CAMKMT: variants seen among roughly 807,000 people sequenced by gnomAD.
CAMKMT encodes CaM KMT.
A neutral mutation model predicts 48.0 loss-of-function variants in CAMKMT; 53 were observed. The observed-to-expected ratio is 1.10, with a 90% CI of 0.89 to 1.39. The LOEUF is 1.39. CAMKMT is among the 40% of genes most tolerant of loss of function. The probability of loss-of-function intolerance (pLI) is 0.00; values close to 1 mark genes in which losing one functional copy is unlikely to be tolerated. For missense variants in CAMKMT, 428 were observed against 402.7 expected (o/e 1.06, Z -0.54); for synonymous variants, 165 against 152.3 (o/e 1.08, Z -0.61).
chr2:44,414,735 G>T (rs898493738), intron 3 of CAMKMT, among the ~76,000 whole-genome samples: 1 of 152,194 alleles, frequency 6.6e-6, no homozygotes, highest in Non-Finnish European at 1.5e-5. Flanking sequence ...TTGGAGGCTG[G>T]CCACCAAACT....
chr2:44,416,756 G>A (rs1683583605), intron 3 of CAMKMT, among the ~76,000 whole-genome samples: 1 of 151,232 alleles, frequency 6.6e-6, no homozygotes, highest in Non-Finnish European at 1.5e-5. Context: ...TGTATTTTTA[G>A]TAGGGACAGG....
intron 3 of CAMKMT, among the ~76,000 whole-genome samples, chr2:44,576,669 T>C (rs1219798534): frequency 6.6e-6 from 1 of 152,158 alleles, no homozygotes; most frequent in Non-Finnish European, 1.5e-5. Context: ...GAGGACAGTG[T>C]GGTTGGTGAG....
intron 3 of CAMKMT, among the ~76,000 whole-genome samples, chr2:44,527,049 A>G (rs996632423): frequency 3.5e-5 from 5 of 142,330 alleles, no homozygotes; most frequent in African/African-American, 1.4e-4. Context: ...GTCACTGCCC[A>G]TTTCCTCCAG....
At chr2:44,523,675 C>T (rs1216233897) in intron 3 of CAMKMT, among the ~76,000 whole-genome samples, 1 of 151,684 alleles carries the variant, frequency 6.6e-6, no homozygotes, top group Non-Finnish European at 1.5e-5. Flanking sequence ...TTAACTGGGA[C>T]CATAGACTAT....
At chr2:44,562,948 A>G (rs540825270) in intron 3 of CAMKMT, among the ~76,000 whole-genome samples, 40 of 152,336 alleles carry the variant, frequency 2.6e-4, no homozygotes, top group African/African-American at 9.1e-4. Context: ...ATTTGTGGTA[A>G]GATATGGAGA....
At chr2:44,663,523 T>G (rs985727513) in intron 3 of CAMKMT, among the ~76,000 whole-genome samples, 1 of 152,230 alleles carries the variant, frequency 6.6e-6, no homozygotes, top group East Asian at 1.9e-4. Flanking sequence ...GTAATAACTT[T>G]TAAAAGGTTC....
intron 3 of CAMKMT, among the ~76,000 whole-genome samples, chr2:44,670,365 C>T (rs751448061): frequency 2.0e-4 from 30 of 152,006 alleles, no homozygotes; most frequent in Non-Finnish European, 4.0e-4. Flanking sequence ...GATCACTTGA[C>T]ACCAGGAGTT....
At chr2:44,400,165 T>C (rs1006362793) in intron 3 of CAMKMT, among the ~76,000 whole-genome samples, 1 of 152,192 alleles carries the variant, frequency 6.6e-6, no homozygotes, top group African/African-American at 2.4e-5. Flanking sequence ...TTCTATATAA[T>C]GGAGAGGTAA....
chr2:44,508,725 G>C (rs550317929), intron 3 of CAMKMT, among the ~76,000 whole-genome samples: 126 of 152,046 alleles, frequency 8.3e-4, no homozygotes, highest in African/African-American at 2.9e-3. Context: ...AAGTAATCTG[G>C]TTAGGATATC....
intron 3 of CAMKMT, among the ~76,000 whole-genome samples, chr2:44,558,187 C>T (rs1668124337): frequency 6.6e-6 from 1 of 152,054 alleles, no homozygotes. Context: ...CCTGAGTACC[C>T]ACCACCACAC....
At chr2:44,758,629 G>A (rs1281611879) in intron 9 of CAMKMT, among the ~76,000 whole-genome samples, 3 of 152,156 alleles carry the variant, frequency 2.0e-5, no homozygotes, top group South Asian at 2.1e-4. Flanking sequence ...CACATTTTAC[G>A]CATTCCAAGA....
At chr2:44,636,359 G>A (rs1673135065) in intron 3 of CAMKMT, among the ~76,000 whole-genome samples, 2 of 152,188 alleles carry the variant, frequency 1.3e-5, no homozygotes, top group Non-Finnish European at 2.9e-5. Context: ...CCAGAGTTAG[G>A]ACCCAGATGT....
intron 3 of CAMKMT, among the ~76,000 whole-genome samples, chr2:44,503,438 A>T (rs698828): frequency 1.3e-5 from 2 of 151,850 alleles, no homozygotes; most frequent in African/African-American, 4.8e-5. Flanking sequence ...ATTACTTTTA[A>T]GTTCTAAGAT....
chr2:44,605,897 T>A (rs975161730), intron 3 of CAMKMT, among the ~76,000 whole-genome samples: 5 of 152,140 alleles, frequency 3.3e-5, no homozygotes, highest in African/African-American at 1.2e-4. Flanking sequence ...TTAAAATATT[T>A]TAAAAGCTCC....
At chr2:44,567,067 T>TG (rs139399933) in intron 3 of CAMKMT, among the ~76,000 whole-genome samples, 55 of 152,206 alleles carry the variant, frequency 3.6e-4, no homozygotes, top group African/African-American at 1.3e-3. Flanking sequence ...AAGTTCTGCT[T>TG]GTGAGAGTTA....
chr2:44,487,761 A>T lies in CAMKMT; in HGVS notation c.376+97456A>T, dbSNP rs572810642. On this transcript the variant is annotated intron_variant, in intron 3 of 10. Coordinates refer to ENST00000378494, the MANE Select transcript of CAMKMT (RefSeq NM_024766.5). ...ATTCAAATGGATAGTCAGAAGACCC[A>T]TAAGGCCCCTAATTTAGAAATTCCC... Among the ~76,000 whole-genome samples, 30 of 152,364 alleles carry T rather than the reference A, an allele frequency of 2.0e-4. No homozygotes were observed. The South Asian group carries it at 6.2e-3, about 32-fold the overall frequency.
intron 3 of CAMKMT, among the ~76,000 whole-genome samples, chr2:44,418,479 G>T (rs1455359466): frequency 6.6e-6 from 1 of 151,852 alleles, no homozygotes; most frequent in Admixed American, 6.6e-5. Flanking sequence ...TGGTTGTTTT[G>T]GTATCATTGA....
intron 8 of CAMKMT, among the ~76,000 whole-genome samples, chr2:44,746,303 A>T (rs1443368147): frequency 6.6e-6 from 1 of 152,256 alleles, no homozygotes; most frequent in Non-Finnish European, 1.5e-5. Flanking sequence ...AACAAGCTCT[A>T]TTCACAAACC....
chr2:44,662,882 T>G (rs1205297670), intron 3 of CAMKMT, among the ~76,000 whole-genome samples: 2 of 152,230 alleles, frequency 1.3e-5, no homozygotes, highest in East Asian at 3.8e-4. Flanking sequence ...TATTTTGCTG[T>G]AATTTTAAAT....
Sources: gnomAD v4.1 joint callset for allele counts (sites outside exome capture counted in the v4.1 genomes callset) on GRCh38, gnomAD v4.1.1 for gene constraint, MANE v1.5 for transcripts, NCBI Gene and HGNC (gene_info 2026-07-23, HGNC 2026-07-21) for gene names.